The following DNER variants were observed in gnomAD, a reference collection of about 807,000 sequenced individuals.
DNER encodes delta and Notch-like epidermal growth factor-related receptor.
In DNER, 33 loss-of-function variants were observed where a neutral mutation model predicts 78.2. The observed-to-expected ratio is 0.42, with a 90% CI of 0.32 to 0.56. The LOEUF (loss-of-function observed/expected upper bound fraction) is 0.56, where lower values mean the gene tolerates loss of function less well. DNER is among the 20% of genes least tolerant of loss of function. DNER has a pLI of 0.11. For missense variants in DNER, 918 were observed against 975.3 expected (o/e 0.94, Z 0.78); for synonymous variants, 417 against 384.8 (o/e 1.08, Z -0.98).
At position 229,576,003 on chromosome 2, in the gene DNER, C is replaced by T. The variant is rs866044163; in HGVS notation, c.847+9855G>A. ...AGAATTTGATGTAAATTATGCCATT[C>T]AGGGAAGCTTTATATTTCCTCTGCT... is the stretch of plus-strand genomic sequence containing the variant. On this transcript the variant is annotated intron_variant, in intron 4 of 12. Coordinates refer to ENST00000341772, the MANE Select transcript of DNER (RefSeq NM_139072.4). 1.6e-4 allele frequency among the ~76,000 whole-genome samples: 25 copies of T among 152,228 alleles called. 1 individual carries two copies. In the Middle Eastern group the frequency reaches 0.02, roughly 124 times the overall value.
At chr2:229,530,829 G>T (rs1409881849) in intron 5 of DNER, among the ~76,000 whole-genome samples, 1 of 152,216 alleles carries the variant, frequency 6.6e-6, no homozygotes, top group Non-Finnish European at 1.5e-5. Context: ...AAAGAAAATT[G>T]AGTATGGAAT....
chr2:229,363,320 A>G (rs1692257732), intron 12 of DNER, among the ~76,000 whole-genome samples: 1 of 152,220 alleles, frequency 6.6e-6, no homozygotes, highest in Non-Finnish European at 1.5e-5. Context: ...TTCTGATCCA[A>G]TGTCACCTCC....
intron 3 of DNER, among the ~76,000 whole-genome samples, chr2:229,586,255 G>C (rs937064584): frequency 1.8e-4 from 28 of 151,948 alleles, no homozygotes; most frequent in African/African-American, 6.8e-4. Flanking sequence ...TAACCACTTT[G>C]ATGAACAGTA....
At chr2:229,405,438 T>C (rs553561132) in intron 10 of DNER, among the ~76,000 whole-genome samples, 15 of 152,304 alleles carry the variant, frequency 9.8e-5, no homozygotes, top group Admixed American at 2.6e-4. Flanking sequence ...TACACAAAGA[T>C]GTAAATACAA....
At chr2:229,401,832 T>C (rs928456006) in intron 10 of DNER, among the ~76,000 whole-genome samples, 1 of 152,114 alleles carries the variant, frequency 6.6e-6, no homozygotes. Flanking sequence ...AACTAAAATT[T>C]TGAAAAACTA....
chr2:229,533,864 T>C (rs1696353678), intron 5 of DNER, among the ~76,000 whole-genome samples: 1 of 152,228 alleles, frequency 6.6e-6, no homozygotes, highest in South Asian at 2.1e-4. Context: ...AAGAGCAAAT[T>C]AGAATTTTGG....
At chr2:229,592,267 T>A (rs375236732) in intron 1 of DNER, among the ~76,000 whole-genome samples, 2 of 152,224 alleles carry the variant, frequency 1.3e-5, no homozygotes, top group African/African-American at 4.8e-5. Context: ...GGAATCTAAA[T>A]TGGAATCTCC....
intron 7 of DNER, among the ~76,000 whole-genome samples, chr2:229,471,540 T>A (rs1157425839): frequency 1.3e-5 from 2 of 152,026 alleles, no homozygotes; most frequent in African/African-American, 2.4e-5. Context: ...AAGTAGCTTT[T>A]AAACTGATAT....
intron 1 of DNER, among the ~76,000 whole-genome samples, chr2:229,702,559 A>AT (rs1699763224): frequency 2.0e-5 from 3 of 151,992 alleles, no homozygotes; most frequent in Admixed American, 6.6e-5. Context: ...GATGATGATG[A>AT]TTTTAAAAAA....
chr2:229,669,765 T>C (rs1368496291), intron 1 of DNER, among the ~76,000 whole-genome samples: 6 of 152,208 alleles, frequency 3.9e-5, no homozygotes, highest in Non-Finnish European at 8.8e-5. Flanking sequence ...ATTTTGAGAA[T>C]ACACATTCTT....
chr2:229,443,500 T>A (rs970617836), intron 8 of DNER, among the ~76,000 whole-genome samples: 1 of 152,204 alleles, frequency 6.6e-6, no homozygotes, highest in Non-Finnish European at 1.5e-5. Context: ...AGATAACATT[T>A]CAGTAATTAC....
chr2:229,542,517 T>G (rs1696535704), intron 5 of DNER, among the ~76,000 whole-genome samples: 1 of 152,122 alleles, frequency 6.6e-6, no homozygotes, highest in African/African-American at 2.4e-5. Context: ...GCTTTTATTT[T>G]GATGGATGAT....
rs113418104 is a variant in DNER at position 229,586,950 on chromosome 2, C to A, written c.681-926G>T. The A allele has an allele frequency of 1.2e-4, 114 of 985,400 alleles. No individual in the cohort carries two copies. The African/African-American group carries it at 1.8e-3, about 16-fold the overall frequency. 61.0% of individuals were successfully genotyped at this position (985,400 alleles called of 1,614,324 possible). On this transcript the variant is annotated intron_variant, in intron 3 of 12. Transcript: ENST00000341772. Reference sequence around the variant, plus strand: ...ATGAAAGCGTAAGGAGCTAGTAACCCCCACAAGTGAATTCAGTGCCCTCAG... The same window carrying A: ...ATGAAAGCGTAAGGAGCTAGTAACCACCACAAGTGAATTCAGTGCCCTCAG...
chr2:229,447,668 C>T, intron 7 of DNER, 128 bp from the exon 8 acceptor site: 1 of 1,058,184 alleles, frequency 9.5e-7, no homozygotes, highest in African/African-American at 1.6e-5. Context: ...TATGTCACAA[C>T]CCAACAAGAT....
chr2:229,530,060 G>C (rs977466974), intron 5 of DNER, among the ~76,000 whole-genome samples: 1 of 151,644 alleles, frequency 6.6e-6, no homozygotes, highest in Non-Finnish European at 1.5e-5. Flanking sequence ...CACTAAAGGA[G>C]TTTAAAAAGC....
At chr2:229,568,813 C>T (rs1280581181) in intron 4 of DNER, among the ~76,000 whole-genome samples, 2 of 152,162 alleles carry the variant, frequency 1.3e-5, no homozygotes, top group African/African-American at 4.8e-5. Flanking sequence ...CCTCCCACTT[C>T]AACCTCCCAA....
chr2:229,693,479 G>T (rs534940761), intron 1 of DNER, among the ~76,000 whole-genome samples: 1 of 152,144 alleles, frequency 6.6e-6, no homozygotes, highest in African/African-American at 2.4e-5. Context: ...CATTTGGAGG[G>T]CTCAGAAGAA....
chr2:229,365,201 G>A (rs1371780508), intron 12 of DNER, among the ~76,000 whole-genome samples: 2 of 152,134 alleles, frequency 1.3e-5, no homozygotes, highest in Non-Finnish European at 2.9e-5. Context: ...AAGAAGGGCA[G>A]ACGTGTCCCA....
chr2:229,665,139 C>T, intron 1 of DNER, among the ~76,000 whole-genome samples: 1 of 152,064 alleles, frequency 6.6e-6, no homozygotes, highest in East Asian at 1.9e-4. Flanking sequence ...AGAATGCCCA[C>T]CTAGATCAGA....
Sources: gnomAD v4.1 joint callset for allele counts (sites outside exome capture counted in the v4.1 genomes callset) on GRCh38, gnomAD v4.1.1 for gene constraint, MANE v1.5 for transcripts, NCBI Gene and HGNC (gene_info 2026-07-23, HGNC 2026-07-21) for gene names.